The following CDH13 variants were observed in gnomAD, a reference collection of about 807,000 sequenced individuals.
CDH13 encodes cadherin-13.
Under a neutral mutation model 63.8 loss-of-function variants are expected in CDH13, and 24 were observed. That is an observed-to-expected ratio of 0.38 (90% CI 0.27 to 0.53). CDH13 has a LOEUF of 0.53. Ranked by LOEUF, CDH13 falls within the 20% of genes least tolerant of loss-of-function variation. The probability of loss-of-function intolerance (pLI) is 0.85; values close to 1 mark genes in which losing one functional copy is unlikely to be tolerated. For synonymous variants in CDH13, 503 were observed against 355.3 expected, an observed-to-expected ratio of 1.42 and a Z score of -4.67; for missense variants, 1,049 against 903.1, an observed-to-expected ratio of 1.16 and a Z score of -2.07.
chr16:83,330,554 A>C (rs931482011), intron 5 of CDH13, among the ~76,000 whole-genome samples: 3 of 152,198 alleles, frequency 2.0e-5, no homozygotes, highest in Admixed American at 6.5e-5. Flanking sequence ...TCTGGGTCCC[A>C]AGGGACATGG....
At chr16:83,439,036 A>G (rs145162060) in intron 6 of CDH13, among the ~76,000 whole-genome samples, 4 of 152,366 alleles carry the variant, frequency 2.6e-5, no homozygotes, top group African/African-American at 9.6e-5. Flanking sequence ...ATGAGAAAAT[A>G]TGCAAGATTT....
intron 6 of CDH13, among the ~76,000 whole-genome samples, chr16:83,450,138 T>C (rs943792916): frequency 2.0e-5 from 3 of 152,264 alleles, no homozygotes; most frequent in South Asian, 4.2e-4. Context: ...CGCCCTGTGA[T>C]TGATTCTTTG....
At chr16:83,280,482 C>T (rs1268698321) in intron 5 of CDH13, among the ~76,000 whole-genome samples, 1 of 152,210 alleles carries the variant, frequency 6.6e-6, no homozygotes, top group South Asian at 2.1e-4. Flanking sequence ...TTCCTTCTTC[C>T]ACTGAAGTCT....
intron 6 of CDH13, among the ~76,000 whole-genome samples, chr16:83,381,073 T>G (rs1342977812): frequency 1.3e-5 from 2 of 152,186 alleles, no homozygotes; most frequent in Non-Finnish European, 2.9e-5. Context: ...ATTCTGCAAT[T>G]ATTGCTTTCT....
intron 2 of CDH13, among the ~76,000 whole-genome samples, chr16:83,018,769 T>A (rs1409246298): frequency 2.6e-5 from 4 of 152,246 alleles, no homozygotes; most frequent in Admixed American, 6.5e-5. Context: ...CCTCGGCTAC[T>A]AACATATATA....
intron 3 of CDH13, among the ~76,000 whole-genome samples, chr16:83,051,086 C>G (rs1200429025): frequency 6.6e-6 from 1 of 152,210 alleles, no homozygotes; most frequent in Non-Finnish European, 1.5e-5. Context: ...GTGATCCAAT[C>G]TGCGTGCCTG....
chr16:83,456,608 C>T (rs758844117), intron 6 of CDH13, among the ~76,000 whole-genome samples: 36 of 152,160 alleles, frequency 2.4e-4, no homozygotes, highest in South Asian at 4.1e-4. Flanking sequence ...GCATTTCAGA[C>T]GCTGAGAAGT....
chr16:83,775,726 AAAAAAAG>A (rs1004618103), intron 11 of CDH13, among the ~76,000 whole-genome samples: 9 of 152,060 alleles, frequency 5.9e-5, no homozygotes, highest in Non-Finnish European at 1.3e-4. Flanking sequence ...TCAAAAATAA[AAAAAAAG>A]AAAAAAGAAA....
chr16:83,115,054 A>C (rs2035230752), intron 3 of CDH13, among the ~76,000 whole-genome samples: 1 of 152,190 alleles, frequency 6.6e-6, no homozygotes, highest in Non-Finnish European at 1.5e-5. Flanking sequence ...GAAAATGTTA[A>C]AGCTGTGATT....
chr16:82,792,008 G>T (rs138523213), intron 1 of CDH13, among the ~76,000 whole-genome samples: 1 of 152,090 alleles, frequency 6.6e-6, no homozygotes, highest in East Asian at 1.9e-4. Context: ...ATGAGATTTG[G>T]GTGGGGACAC....
chr16:83,321,216 G>A (rs552788655), intron 5 of CDH13, among the ~76,000 whole-genome samples: 23 of 152,302 alleles, frequency 1.5e-4, no homozygotes, highest in African/African-American at 4.8e-4. Context: ...TATTATTAAC[G>A]TGCTAATTCA....
intron 7 of CDH13, among the ~76,000 whole-genome samples, chr16:83,491,310 A>T (rs969516056): frequency 6.6e-6 from 1 of 152,202 alleles, no homozygotes; most frequent in Non-Finnish European, 1.5e-5. Context: ...CCAGTAAATG[A>T]AATTAGGTTC....
chr16:83,789,928 C>G (rs1003572089), intron 13 of CDH13: 1 of 151,680 alleles, frequency 6.6e-6, no homozygotes, highest in African/African-American at 2.4e-5. Flanking sequence ...CCCAAGAAGC[C>G]GAAAATATTA....
rs551657125 is a variant in CDH13, at chr16:83,076,927, T to TGAA, written c.366+44709_366+44710insGAA. On this transcript the variant is annotated intron_variant, in intron 3 of 13. Coordinates refer to ENST00000567109, the MANE Select transcript of CDH13 (RefSeq NM_001257.5). ...AAGTAATGGCAAAAACCGCAATTAC[T>TGAA]TTTGTGCCAACTGAATACAACTGTG... is the stretch of plus-strand genomic sequence containing the variant. Among the ~76,000 whole-genome samples the TGAA allele has an allele frequency of 3.9e-3, 600 of 152,204 alleles. 2 individuals carry two copies. The highest frequency in any genetic ancestry group is 6.3e-3 in the Non-Finnish European group (430 of 68,018).
At chr16:83,654,855 G>C (rs536668873) in intron 8 of CDH13, 1 of 152,318 alleles carries the variant, frequency 6.6e-6, no homozygotes, top group South Asian at 2.1e-4. Flanking sequence ...AGAGGTGAAA[G>C]AGCATCTCCA....
chr16:83,354,602 C>G (rs1035855662), intron 6 of CDH13, among the ~76,000 whole-genome samples: 1 of 152,104 alleles, frequency 6.6e-6, no homozygotes, highest in Non-Finnish European at 1.5e-5. Flanking sequence ...CAAGAAAAGT[C>G]CTCTCTAAAG....
chr16:83,224,703 G>A (rs1015469825), intron 5 of CDH13, among the ~76,000 whole-genome samples: 1 of 152,216 alleles, frequency 6.6e-6, no homozygotes, highest in Admixed American at 6.5e-5. Flanking sequence ...CAATTTCATG[G>A]TTCATTCTAA....
intron 10 of CDH13, among the ~76,000 whole-genome samples, chr16:83,742,162 C>A (rs1049018620): frequency 6.6e-6 from 1 of 152,248 alleles, no homozygotes; most frequent in Admixed American, 6.5e-5. Flanking sequence ...CTCTGGAAGT[C>A]CTTCCAGGTC....
intron 7 of CDH13, among the ~76,000 whole-genome samples, chr16:83,489,949 C>A (rs1273049088): frequency 2.0e-5 from 3 of 151,510 alleles, no homozygotes; most frequent in Non-Finnish European, 4.4e-5. Context: ...CGTGTTGGAA[C>A]AATGAATATA....
Sources: gnomAD v4.1 joint callset for allele counts (sites outside exome capture counted in the v4.1 genomes callset) on GRCh38, gnomAD v4.1.1 for gene constraint, MANE v1.5 for transcripts, NCBI Gene and HGNC (gene_info 2026-07-23, HGNC 2026-07-21) for gene names.